The following PTPRD variants were observed in gnomAD, a reference collection of about 807,000 sequenced individuals.
PTPRD encodes the protein receptor-type tyrosine-protein phosphatase delta.
PTPRD carries 34 observed loss-of-function variants against 214.5 expected under a neutral mutation model. The observed-to-expected ratio is 0.16, with a 90% CI of 0.12 to 0.21. The LOEUF (loss-of-function observed/expected upper bound fraction) is 0.21, where lower values mean the gene tolerates loss of function less well. Among genes scored for constraint, PTPRD ranks in the 10% least tolerant of loss-of-function variants. The pLI is 1.00. For missense variants in PTPRD, 2,545 were observed against 2,398.7 expected, an observed-to-expected ratio of 1.06 and a Z score of -1.27; for synonymous variants, 1,128 against 845.7, an observed-to-expected ratio of 1.33 and a Z score of -5.79.
At chr9:10,223,670 A>AAAT (rs67338126) in intron 3 of PTPRD, among the ~76,000 whole-genome samples, 32,694 of 133,960 alleles carry the variant, frequency 0.24, 4,094 homozygotes, top group East Asian at 0.38. Flanking sequence ...ATTCTGTCTC[A>AAAT]AATAATAATA....
chr9:9,970,246 C>T (rs1463434649), intron 4 of PTPRD, among the ~76,000 whole-genome samples: 1 of 151,596 alleles, frequency 6.6e-6, no homozygotes, highest in Admixed American at 6.6e-5. Context: ...GTCAGGAGAT[C>T]GAGACCATCC....
At chr9:8,824,087 T>C (rs1403205018) in intron 11 of PTPRD, among the ~76,000 whole-genome samples, 2 of 152,144 alleles carry the variant, frequency 1.3e-5, no homozygotes, top group East Asian at 3.9e-4. Context: ...TTGGTGTTGG[T>C]GGGTTTTGGC....
chr9:9,845,129 G>T (rs58460471), intron 5 of PTPRD, among the ~76,000 whole-genome samples: 3 of 3,966 alleles, frequency 7.6e-4, no homozygotes, highest in Non-Finnish European at 9.7e-4. Context: ...TCTATATATA[G>T]AGCAATATAT....
chr9:9,254,963 G>C (rs568518779), intron 9 of PTPRD, among the ~76,000 whole-genome samples: 3 of 152,150 alleles, frequency 2.0e-5, no homozygotes, highest in Admixed American at 2.0e-4. Context: ...TTCAAAAACA[G>C]GTTGTAAAAT....
At chr9:10,160,364 T>A (rs1236017929) in intron 3 of PTPRD, among the ~76,000 whole-genome samples, 1 of 151,976 alleles carries the variant, frequency 6.6e-6, no homozygotes, top group African/African-American at 2.4e-5. Context: ...CAAAAAGGTT[T>A]CATAAAAGAA....
At chr9:8,356,111 A>G (rs932641741) in intron 39 of PTPRD, among the ~76,000 whole-genome samples, 2 of 152,016 alleles carry the variant, frequency 1.3e-5, no homozygotes, top group Non-Finnish European at 2.9e-5. Context: ...TTTGCTTTTC[A>G]TTTTTTTTAA....
At chr9:8,672,923 A>C (rs16924692) in intron 12 of PTPRD, among the ~76,000 whole-genome samples, 12,271 of 151,986 alleles carry the variant, frequency 0.081, 612 homozygotes, top group East Asian at 0.18. Context: ...CAATTCTGCC[A>C]ATTAAAAACA....
At chr9:9,597,156 C>T (rs1335434481) in intron 7 of PTPRD, among the ~76,000 whole-genome samples, 1 of 151,926 alleles carries the variant, frequency 6.6e-6, no homozygotes, top group Non-Finnish European at 1.5e-5. Context: ...TGGAAGCAGG[C>T]TGAGGGTGGG....
rs2095156273 is a variant in PTPRD at position 10,282,262 on chromosome 9, TG to T, written c.-545+58700del. On this transcript the variant is annotated intron_variant, in intron 3 of 45. Transcript: ENST00000381196. ...TTATAGGATTAGGCAGTAACTTAAT[TG>T]ACATAGCACAGTGTCTGACTCATAA... 2.6e-5 allele frequency among the ~76,000 whole-genome samples: 4 copies of T among 152,280 alleles called. No homozygotes were observed. The South Asian group carries it at 8.3e-4, about 32-fold the overall frequency.
chr9:10,445,423 A>G (rs1299546079), intron 2 of PTPRD, among the ~76,000 whole-genome samples: 1 of 152,136 alleles, frequency 6.6e-6, no homozygotes, highest in Non-Finnish European at 1.5e-5. Context: ...AATGAAGTAA[A>G]TGGAGGTCTA....
At chr9:9,969,080 T>C (rs1753770073) in intron 4 of PTPRD, among the ~76,000 whole-genome samples, 1 of 152,150 alleles carries the variant, frequency 6.6e-6, no homozygotes, top group South Asian at 2.1e-4. Context: ...CCACAGTCTT[T>C]GGTCCTACGA....
At chr9:10,074,931 G>A (rs917130564) in intron 3 of PTPRD, among the ~76,000 whole-genome samples, 3 of 152,084 alleles carry the variant, frequency 2.0e-5, no homozygotes, top group African/African-American at 7.2e-5. Context: ...AGAAGTTTTT[G>A]AGAAATATTA....
At chr9:10,087,347 T>G (rs291326) in intron 3 of PTPRD, among the ~76,000 whole-genome samples, 1 of 151,414 alleles carries the variant, frequency 6.6e-6, no homozygotes, top group African/African-American at 2.4e-5. Flanking sequence ...CACTAAAATT[T>G]TGAATTTACA....
At chr9:9,319,577 A>C (rs948033859) in intron 9 of PTPRD, among the ~76,000 whole-genome samples, 1 of 152,200 alleles carries the variant, frequency 6.6e-6, no homozygotes, top group African/African-American at 2.4e-5. Flanking sequence ...ATTAAAATAC[A>C]TAGGCTCATT....
intron 2 of PTPRD, among the ~76,000 whole-genome samples, chr9:10,350,268 A>G (rs952749882): frequency 1.3e-5 from 2 of 152,172 alleles, no homozygotes; most frequent in Admixed American, 6.5e-5. Flanking sequence ...GTCAAAATAT[A>G]GTCAAGGGAA....
At chr9:9,557,920 A>G (rs2081938587) in intron 8 of PTPRD, among the ~76,000 whole-genome samples, 1 of 152,088 alleles carries the variant, frequency 6.6e-6, no homozygotes, top group African/African-American at 2.4e-5. Context: ...AGCTTACTTA[A>G]ACTAGCTTTC....
intron 11 of PTPRD, among the ~76,000 whole-genome samples, chr9:9,005,451 ACAT>A (rs2099457971): frequency 6.6e-6 from 1 of 152,080 alleles, no homozygotes; most frequent in Admixed American, 6.6e-5. Context: ...TGAGAGAGGA[ACAT>A]CATCATGAAA....
chr9:10,065,294 C>T (rs769617828), intron 3 of PTPRD, among the ~76,000 whole-genome samples: 45 of 151,848 alleles, frequency 3.0e-4, no homozygotes, highest in Non-Finnish European at 4.7e-4. Flanking sequence ...CAGAGTTGCA[C>T]GATGTTAGTC....
intron 2 of PTPRD, among the ~76,000 whole-genome samples, chr9:10,513,711 T>G (rs765175107): frequency 1.3e-5 from 2 of 152,154 alleles, no homozygotes; most frequent in African/African-American, 2.4e-5. Context: ...AGGGCCTGAT[T>G]TGCCAAGTCT....
Sources: allele counts gnomAD v4.1 joint callset (sites outside exome capture counted in the v4.1 genomes callset), GRCh38; gene constraint gnomAD v4.1.1; transcripts MANE v1.5; gene names NCBI Gene and HGNC (gene_info 2026-07-23, HGNC 2026-07-21).